The following ALPI variants were observed in gnomAD, a reference collection of about 807,000 sequenced individuals.
ALPI encodes intestinal-type alkaline phosphatase.
A neutral mutation model predicts 51.5 loss-of-function variants in ALPI; 50 were observed. The observed-to-expected ratio is 0.97, with a 90% CI of 0.77 to 1.23. The LOEUF (loss-of-function observed/expected upper bound fraction) is 1.23, where lower values mean the gene tolerates loss of function less well. Among genes scored for constraint, ALPI ranks in the 50% most tolerant of loss-of-function variants. The pLI, the probability that ALPI is intolerant of heterozygous loss-of-function variation, is 0.00. For synonymous variants in ALPI, 322 were observed against 308.2 expected, an observed-to-expected ratio of 1.04 and a Z score of -0.47; for missense variants, 692 against 722.4, an observed-to-expected ratio of 0.96 and a Z score of 0.48.
At position 232,458,019 on chromosome 2, in the gene ALPI, C is replaced by G. The variant is rs554429184; in HGVS notation, c.878C>G (p.Thr293Arg). ...HLMGLFEPGD[T>R]KYEIHRDPTL... The stretch of plus-strand genomic sequence containing the variant: ...ACAGGCCTCTTTGAGCCCGGAGACA[C>G]GAAATATGAGATCCACCGAGACCCC... The change falls in exon 8 of 11, where the codon ACG (threonine) becomes AGG (arginine). Residue 293 changes from threonine (T) to arginine (R), a missense_variant. Transcript: ENST00000295463. 5 of 1,607,038 alleles carry G rather than the reference C, an allele frequency of 3.1e-6. No individual in the cohort carries two copies. In the South Asian group the frequency reaches 3.3e-5, roughly 11 times the overall value.
In ALPI at chr2:232,457,415, G is replaced by C. The variant is rs1690217221; in HGVS notation, c.648+93G>C. 28 of 1,550,414 alleles carry C rather than the reference G, an allele frequency of 1.8e-5. No homozygotes were observed. The South Asian group carries it at 3.5e-4, about 19-fold the overall frequency. The stretch of plus-strand genomic sequence containing the variant: ...ACCAAAAGCCTGATCTGGGTCAGCA[G>C]GTTCTGGAGGTGGAGTTGGGGATGT... On this transcript the variant is annotated intron_variant, in intron 5 of 10. Transcript: ENST00000295463. This position sits in a 1 kb window ranked among gnomAD's most constrained non-coding sequence, Gnocchi z 4.7.
chr2:232,458,479 C>T lies in ALPI; in HGVS notation c.1183+71C>T. On this transcript the variant is annotated intron_variant, in intron 9 of 10. Transcript: ENST00000295463. ...GTGAAGTTTGAGCTTCAGTTTCCTC[C>T]TCTGTCAAAAGTGTGCAATGCTGGC... The T allele has an allele frequency of 1.9e-6, 3 of 1,550,682 alleles. No individual in the cohort carries two copies. The Admixed American group carries it at 5.7e-5, about 29-fold the overall frequency.
rs1690217391 is a variant in ALPI at position 232,457,436 on chromosome 2, G to A, written c.648+114G>A. The A allele has an allele frequency of 6.5e-7, 1 of 1,548,138 alleles. No individual in the cohort carries two copies. The highest frequency in any genetic ancestry group is 2.3e-5 in the East Asian group (1 of 44,436). On this transcript the variant is annotated intron_variant, in intron 5 of 10. Coordinates refer to ENST00000295463, the MANE Select transcript of ALPI (RefSeq NM_001631.5). The surrounding 1 kb of genome is among the most constrained non-coding windows in gnomAD (Gnocchi z 4.7). ...AGCAGGTTCTGGAGGTGGAGTTGGG[G>A]ATGTAGAATGTGCAATACAGGCTGG... is the stretch of plus-strand genomic sequence containing the variant.
chr2:232,457,346 G>A lies in ALPI; in HGVS notation c.648+24G>A. 6.3e-7 allele frequency: 1 copy of A among 1,583,798 alleles called. No homozygotes were observed. The highest frequency in any genetic ancestry group is 8.6e-7 in the Non-Finnish European group (1 of 1,164,412). ...ACGTGCGACCCCCGGGCCAAGGGCTGGGGCTGGGCAGAGGGGAAGGTGGCA... is the reference window on the plus strand; with the variant it reads ...ACGTGCGACCCCCGGGCCAAGGGCTAGGGCTGGGCAGAGGGGAAGGTGGCA... On this transcript the variant is annotated intron_variant, in intron 5 of 10. Coordinates refer to ENST00000295463, the MANE Select transcript of ALPI (RefSeq NM_001631.5). This position sits in a 1 kb window ranked among gnomAD's most constrained non-coding sequence, Gnocchi z 4.7.
In ALPI at chr2:232,458,273, G is replaced by C. The variant is rs767214282; in HGVS notation, c.1048G>C (p.Ala350Pro). The change falls in exon 9 of 11, where the codon GCG (alanine) becomes CCG (proline). Residue 350 changes from alanine to proline, a missense_variant. By Grantham distance (27) the Ala-to-Pro change is conservative (BLOSUM62 -1). Coordinates refer to ENST00000295463, the MANE Select transcript of ALPI (RefSeq NM_001631.5). ...EGVAYQALTE[A>P]VMFDDAIERA... ...TGTGGCTTACCAGGCACTCACTGAG[G>C]CGGTCATGTTCGACGACGCCATTGA... 1.9e-6 allele frequency: 3 copies of C among 1,614,172 alleles called. No individual in the cohort carries two copies. The Admixed American group carries it at 5.0e-5, about 27-fold the overall frequency.
At position 232,458,424 on chromosome 2, in the gene ALPI, G is replaced by C. The variant is rs546210458; in HGVS notation, c.1183+16G>C. The C allele has an allele frequency of 1.2e-6, 2 of 1,607,534 alleles. No homozygotes were observed. Among genetic ancestry groups the C allele is most frequent in the Admixed American group, 1.7e-5 (1 of 59,406 alleles). On this transcript the variant is annotated intron_variant, in intron 9 of 10. Transcript: ENST00000295463. ...TCCATCTTCGGTAGGCCTGGGGAGA[G>C]TGGCAGGTGCTGCTGCATCAATTAT...
rs368674077 is a variant in ALPI at position 232,457,067 on chromosome 2, C to A, written c.469C>A (p.Gln157Lys). The change falls in exon 4 of 11, where the codon CAA becomes AAA. Residue 157 changes from glutamine to lysine, a missense_variant. Gln to Lys is a moderately conservative substitution (Grantham distance 53). Transcript: ENST00000295463. The surrounding 1 kb of genome is among the most constrained non-coding windows in gnomAD (Gnocchi z 4.7). ...CATCTCCGTGATGAACCGGGCCAAG[C>A]AAGCAGGTGAGCTGGGGCCCGCTGT... ...EVISVMNRAK[Q>K]AGKSVGVVTT... 9.3e-6 allele frequency: 15 copies of A among 1,613,544 alleles called. No individual in the cohort carries two copies. The highest frequency in any genetic ancestry group is 2.2e-5 in the South Asian group (2 of 91,068).
chr2:232,458,606 C>T, intron 9 of ALPI, 26 bp from the exon 10 acceptor site: 2 of 1,608,918 alleles, frequency 1.2e-6, no homozygotes, highest in East Asian at 4.5e-5. Context: ...GTCAGCTCAA[C>T]TACAGGGACC....
Position 232,458,046 on chromosome 2 carries a change from C to A in ALPI, c.905C>A (p.Thr302Lys). 6 of 1,614,098 alleles carry A rather than the reference C, an allele frequency of 3.7e-6. No homozygotes were observed. Among genetic ancestry groups the A allele is most frequent in the Non-Finnish European group, 5.1e-6 (6 of 1,180,026 alleles). The change falls in exon 8 of 11, where the codon ACA (threonine) becomes AAA (lysine). Residue 302 changes from threonine (T) to lysine (K), a missense_variant. By Grantham distance (78) the Thr-to-Lys change is moderately conservative (BLOSUM62 -1). Transcript: ENST00000295463. Reference sequence around the variant, plus strand: ...AAATATGAGATCCACCGAGACCCCACACTGGACCCCTCCCTGATGGAGATG... The same window carrying A: ...AAATATGAGATCCACCGAGACCCCAAACTGGACCCCTCCCTGATGGAGATG... Reference protein sequence around the residue: ...DTKYEIHRDPTLDPSLMEMTE... With the variant: ...DTKYEIHRDPKLDPSLMEMTE...
At position 232,457,144 on chromosome 2, in the gene ALPI, C is replaced by A. The variant is rs762791423; in HGVS notation, c.476-6C>A. ...GGTCACCGATCCTGACCTCTGTCAC[C>A]CTCAGGAAAGTCAGTAGGAGTGGTG... On this transcript the variant is annotated splice_region_variant and splice_polypyrimidine_tract_variant and intron_variant, in intron 4 of 10. Transcript: ENST00000295463. The surrounding 1 kb of genome is among the most constrained non-coding windows in gnomAD (Gnocchi z 4.7). 2 of 1,613,418 alleles carry A rather than the reference C, an allele frequency of 1.2e-6. No homozygotes were observed. Among genetic ancestry groups the A allele is most frequent in the East Asian group, 2.2e-5 (1 of 44,892 alleles).
Position 232,459,376 on chromosome 2 carries a change from C to T in ALPI, c.*230C>T. ...GAGCTGAGCCTGGGACTTCCAGGAC[C>T]TCCCCTCAGGTTGTTCTCTGATTCT... On this transcript the variant is annotated 3_prime_UTR_variant, in exon 11 of 11. Coordinates refer to ENST00000295463, the MANE Select transcript of ALPI (RefSeq NM_001631.5). The T allele has an allele frequency of 3.5e-6, 2 of 573,784 alleles. No individual in the cohort carries two copies. Among genetic ancestry groups the T allele is most frequent in the East Asian group, 3.0e-5 (1 of 33,406 alleles). The allele number at this position is 573,784 out of a possible 1,614,324, so 35.5% of individuals were successfully genotyped here. A position where few individuals can be genotyped will look rare whatever the true frequency, so the allele number is the denominator to read the frequency against.
chr2:232,458,855 A>G lies in ALPI; in HGVS notation c.1301-5A>G, dbSNP rs1359516697. 5 of 1,609,930 alleles carry G rather than the reference A, an allele frequency of 3.1e-6. No individual in the cohort carries two copies. Among genetic ancestry groups the G allele is most frequent in the African/African-American group, 1.3e-5 (1 of 74,974 alleles). On this transcript the variant is annotated splice_polypyrimidine_tract_variant and splice_region_variant and intron_variant, in intron 10 of 10. Coordinates refer to ENST00000295463, the MANE Select transcript of ALPI (RefSeq NM_001631.5). ...TGCCCTGAAGTGCACTCACCCTCCT[A>G]CCAGGGAGCCCCGATTACCAGCAGC... is the stretch of plus-strand genomic sequence containing the variant.
Position 232,458,913 on chromosome 2 carries a change from G to A in ALPI, c.1354G>A (p.Gly452Arg), listed in dbSNP as rs1306439480. The A allele has an allele frequency of 6.2e-7, 1 of 1,610,248 alleles. No homozygotes were observed. The highest frequency in any genetic ancestry group is 1.3e-5 in the African/African-American group (1 of 74,852). Residue 452 changes from glycine to arginine, a missense_variant, in exon 11 of 11, where the codon GGA becomes AGA. By Grantham distance (125) the Gly-to-Arg change is moderately radical. Transcript: ENST00000295463. The part of the protein sequence containing the change: ...AAVPLSSETH[G>R]GEDVAVFARG... ...GGTGCCCCTGTCGTCCGAGACCCAC[G>A]GAGGCGAAGACGTGGCGGTGTTTGC...
chr2:232,459,047 G>A lies in ALPI; in HGVS notation c.1488G>A (p.Ala496=), dbSNP rs376843697. 3.9e-5 allele frequency: 61 copies of A among 1,549,366 alleles called. No homozygotes were observed. In the African/African-American group the frequency reaches 7.7e-4, roughly 19 times the overall value. Reference sequence around the variant, plus strand: ...AGCCCTACACGGCCTGCGACCTGGCGCCTCCCGCCTGCACCACCGACGCCG... The same window carrying A: ...AGCCCTACACGGCCTGCGACCTGGCACCTCCCGCCTGCACCACCGACGCCG... ...CLEPYTACDL[A]PPACTTDAAH... Residue 496 remains alanine, a synonymous_variant, in exon 11 of 11, where the codon GCG becomes GCA. Transcript: ENST00000295463.
rs936187870 is a variant in ALPI, at chr2:232,458,807, G to C, written c.1301-53G>C. 5 of 1,609,710 alleles carry C rather than the reference G, an allele frequency of 3.1e-6. No individual in the cohort carries two copies. The East Asian group carries it at 6.7e-5, about 22-fold the overall frequency. The stretch of plus-strand genomic sequence containing the variant: ...CAGGGTGCCAGGGATGGGGGCATTC[G>C]CGGGAGGGGGACGCCGCCTGCCTGC... On this transcript the variant is annotated intron_variant, in intron 10 of 10. Transcript: ENST00000295463.
In ALPI at chr2:232,458,639, C is replaced by A. The variant is rs748819669; in HGVS notation, c.1191C>A (p.Ala397=). The change falls in exon 10 of 11, where the codon GCC becomes GCA. Residue 397 remains alanine, a synonymous_variant. Transcript: ENST00000295463. ...ACCCGCATCTCCCTACAGGGTTGGC[C>A]CCCAGCAAGGCTCAGGACAGCAAAG... ...TLRGSSIFGL[A]PSKAQDSKAY... is the part of the protein sequence containing the mutation. 6.2e-7 allele frequency: 1 copy of A among 1,613,754 alleles called. No individual in the cohort carries two copies. The highest frequency in any genetic ancestry group is 1.7e-5 in the Admixed American group (1 of 60,002).
At position 232,457,169 on chromosome 2, in the gene ALPI, GACCACCACACGGGTGC is replaced by G. The variant is rs1690209190; in HGVS notation, c.497_512del (p.Thr166SerfsTer13). On this transcript the variant is annotated frameshift_variant, in exon 5 of 11. Coordinates refer to ENST00000295463, the MANE Select transcript of ALPI (RefSeq NM_001631.5). LOFTEE classifies it high-confidence loss of function. The surrounding 1 kb of genome is among the most constrained non-coding windows in gnomAD (Gnocchi z 4.7). ...CCTCAGGAAAGTCAGTAGGAGTGGTGACCACCACACGGGTGCAGCACGCCTCGCCAGCCGGCACCTA... is the reference window on the plus strand; with the variant it reads ...CCTCAGGAAAGTCAGTAGGAGTGGTGAGCACGCCTCGCCAGCCGGCACCTA... The G allele has an allele frequency of 6.2e-7, 1 of 1,613,368 alleles. No individual in the cohort carries two copies. Among genetic ancestry groups the G allele is most frequent in the African/African-American group, 1.3e-5 (1 of 74,936 alleles).
rs1215580603 is a variant in ALPI at position 232,458,366 on chromosome 2, T to C, written c.1141T>C (p.Phe381Leu). 1 of 1,614,058 alleles carries C rather than the reference T, an allele frequency of 6.2e-7. No individual in the cohort carries two copies. Among genetic ancestry groups the C allele is most frequent in the Non-Finnish European group, 8.5e-7 (1 of 1,180,016 alleles). Reference sequence around the variant, plus strand: ...CGTCACCGCTGACCACTCCCATGTCTTCTCCTTTGGTGGCTACACCTTGCG... The same window carrying C: ...CGTCACCGCTGACCACTCCCATGTCCTCTCCTTTGGTGGCTACACCTTGCG... ...TLVTADHSHV[F>L]SFGGYTLRGS... Residue 381 changes from phenylalanine to leucine, a missense_variant, in exon 9 of 11, where the codon TTC (phenylalanine) becomes CTC (leucine). By Grantham distance (22) the Phe-to-Leu change is conservative (BLOSUM62 0). Transcript: ENST00000295463.
Position 232,459,710 on chromosome 2 carries a change from G to A in ALPI, c.*564G>A, listed in dbSNP as rs187364825. 628 of 157,014 alleles carry A rather than the reference G, an allele frequency of 4.0e-3. 9 individuals are homozygous for A. Among genetic ancestry groups the A allele is most frequent in the African/African-American group, 0.015 (607 of 41,606 alleles). 9.7% of individuals were successfully genotyped at this position (157,014 alleles called of 1,614,324 possible). A position where few individuals can be genotyped will look rare whatever the true frequency, so the allele number is the denominator to read the frequency against. On this transcript the variant is annotated 3_prime_UTR_variant, in exon 11 of 11. Coordinates refer to ENST00000295463, the MANE Select transcript of ALPI (RefSeq NM_001631.5). ...GCTACTGGATCGGGGATTCCCAGGG[G>A]GGCTTTGACACAGTCCTCTGCTGTC...
Sources: gnomAD v4.1 joint callset for allele counts on GRCh38, gnomAD v4.1.1 for gene constraint, Gnocchi (gnomAD v3.1) non-coding constraint, MANE v1.5 for transcripts, NCBI Gene and HGNC (gene_info 2026-07-23, HGNC 2026-07-21) for gene names.